The following ARHGAP23 variants were observed in gnomAD, a reference collection of about 807,000 sequenced individuals.
ARHGAP23 encodes rho GTPase-activating protein 23.
ARHGAP23 carries 34 observed loss-of-function variants against 136.3 expected under a neutral mutation model. The ratio of observed to expected loss-of-function variants is 0.25; its 90% CI spans 0.19 to 0.33. The LOEUF is 0.33. ARHGAP23 is among the 10% of genes least tolerant of loss of function. The pLI is 1.00. For synonymous variants in ARHGAP23, 832 were observed against 920.5 expected (o/e 0.90, Z 1.74); for missense variants, 1,808 against 2,139.0 (o/e 0.85, Z 3.05).
chr17:38,505,458 G>A lies in ARHGAP23; in HGVS notation c.3448-4486G>A, dbSNP rs540277101. ...AGGGAGAAGTCTAGCTCCTGACCAG[G>A]CTCTGATTTCCCCGGCCCTGCCCTA... On this transcript the variant is annotated intron_variant, in intron 23 of 23. Coordinates refer to ENST00000622683, the MANE Select transcript of ARHGAP23 (RefSeq NM_001199417.2). 1.4e-4 allele frequency among the ~76,000 whole-genome samples: 22 copies of A among 152,158 alleles called. 1 individual carries two copies. In the South Asian group the frequency reaches 4.6e-3, roughly 32 times the overall value.
intron 1 of ARHGAP23, among the ~76,000 whole-genome samples, chr17:38,437,203 C>A (rs2144510692): frequency 8.4e-6 from 1 of 118,382 alleles, no homozygotes; most frequent in East Asian, 2.7e-4. Context: ...TTGCTTGACG[C>A]CAGGATTTTT....
At chr17:38,425,882 TG>T (rs2038564731), upstream of ARHGAP23, among the ~76,000 whole-genome samples, 1 of 140,810 alleles carries the variant, frequency 7.1e-6, no homozygotes, top group Admixed American at 7.2e-5. Context: ...GGCGGCAGGG[TG>T]GGGAGAGAGC....
In ARHGAP23 at chr17:38,510,818, A is replaced by G; in HGVS notation, c.4322A>G (p.Asp1441Gly). The G allele has an allele frequency of 6.6e-7, 1 of 1,507,218 alleles. No homozygotes were observed. Among genetic ancestry groups the G allele is most frequent in the Non-Finnish European group, 8.8e-7 (1 of 1,131,942 alleles). 93.4% of individuals were successfully genotyped at this position (1,507,218 alleles called of 1,614,324 possible). ...PEPAGARAHS[D>G]NKDSGLSSLE... ...CCTGCGGGCGCGCGGGCGCACAGTG[A>G]CAACAAGGACTCCGGACTCAGCAGC... Residue 1441 changes from aspartate (D) to glycine (G), a missense_variant, in exon 24 of 24, where the codon GAC becomes GGC. Asp to Gly is a moderately conservative substitution (Grantham distance 94). Coordinates refer to ENST00000622683, the MANE Select transcript of ARHGAP23 (RefSeq NM_001199417.2). This position sits in a 1 kb window ranked among gnomAD's most constrained non-coding sequence, Gnocchi z 4.6.
rs944831172 is a variant in ARHGAP23, at chr17:38,428,758, G to T, written c.63+210G>T. On this transcript the variant is annotated intron_variant, in intron 1 of 23. Transcript: ENST00000622683. ...GCTGTCCGGGGTAGAGGGGTGGGAA[G>T]GACGGAAGCAGGCAAGGGGTCGGGA... Among the ~76,000 whole-genome samples the T allele has an allele frequency of 2.1e-4, 32 of 152,320 alleles. 1 individual carries two copies. Among genetic ancestry groups the T allele is most frequent in the Admixed American group, 1.3e-3 (20 of 15,312 alleles).
intron 11 of ARHGAP23, among the ~76,000 whole-genome samples, chr17:38,472,724 T>C (rs911735137): frequency 2.0e-5 from 3 of 152,112 alleles, no homozygotes; most frequent in African/African-American, 7.2e-5. Context: ...TCCTGGCGAT[T>C]AGGATGAACC....
At chr17:38,489,084 C>T (rs768124478) in intron 17 of ARHGAP23, among the ~76,000 whole-genome samples, 1 of 151,990 alleles carries the variant, frequency 6.6e-6, no homozygotes, top group African/African-American at 2.4e-5. Context: ...CCACATTGGC[C>T]AGGCTGGTCT....
chr17:38,469,861 G>A lies in ARHGAP23; in HGVS notation c.1931G>A (p.Arg644His), dbSNP rs866924997. 13 of 1,551,552 alleles carry A rather than the reference G, an allele frequency of 8.4e-6. No individual in the cohort carries two copies. Among genetic ancestry groups the A allele is most frequent in the East Asian group, 2.4e-5 (1 of 40,926 alleles). ...TCGCTTTCCAGGCGCCTGCCAAACCGCATACCCAGCCTGCGGATGCTCCGG... is the reference window on the plus strand; with the variant it reads ...TCGCTTTCCAGGCGCCTGCCAAACCACATACCCAGCCTGCGGATGCTCCGG... Reference protein sequence around the residue: ...EGRVLRRLPNRIPSLRMLRSF... With the variant: ...EGRVLRRLPNHIPSLRMLRSF... The change falls in exon 10 of 24, where the codon CGC becomes CAC. Residue 644 changes from arginine (R) to histidine (H), a missense_variant. By Grantham distance (29) the Arg-to-His change is conservative. This residue lies in a region of ARHGAP23 where 859 missense variants were observed against 936.4 expected (regional missense o/e 0.92). Coordinates refer to ENST00000622683, the MANE Select transcript of ARHGAP23 (RefSeq NM_001199417.2).
At chr17:38,453,715 C>A (rs2144587729) in intron 1 of ARHGAP23, 1 of 148,988 alleles carries the variant, frequency 6.7e-6, no homozygotes, top group African/African-American at 2.4e-5. Context: ...GCGCAGGAGG[C>A]GCGGAGCCAA....
intron 1 of ARHGAP23, among the ~76,000 whole-genome samples, chr17:38,429,247 G>A (rs1332763245): frequency 6.6e-6 from 1 of 152,244 alleles, no homozygotes; most frequent in Non-Finnish European, 1.5e-5. Context: ...GGGCTGCTCT[G>A]CCTGGGTTCT....
rs1310622399 is a variant in ARHGAP23 at position 38,466,528 on chromosome 17, T to A, written c.845T>A (p.Leu282Gln). ...EPGSRVPPSRLECQQALSHWL... is the reference protein window; with the variant it reads ...EPGSRVPPSRQECQQALSHWL... Reference sequence around the variant, plus strand: ...GGCAGCCGGGTGCCCCCCAGCAGACTGGAGTGCCAGCAGGCCTTGTCACAC... The same window carrying A: ...GGCAGCCGGGTGCCCCCCAGCAGACAGGAGTGCCAGCAGGCCTTGTCACAC... Residue 282 changes from leucine to glutamine, a missense_variant, in exon 7 of 24, where the codon CTG becomes CAG. By Grantham distance (113) the Leu-to-Gln change is moderately radical (BLOSUM62 -2). Around this residue, in one of 7 missense-constraint regions of ARHGAP23, gnomAD observed 859 missense variants for 936.4 expected, o/e 0.92. Coordinates refer to ENST00000622683, the MANE Select transcript of ARHGAP23 (RefSeq NM_001199417.2). 4 of 1,476,962 alleles carry A rather than the reference T, an allele frequency of 2.7e-6. No individual in the cohort carries two copies. Among genetic ancestry groups the A allele is most frequent in the Middle Eastern group, 1.8e-4 (1 of 5,622 alleles). The allele number at this position is 1,476,962 out of a possible 1,614,324, so 91.5% of individuals were successfully genotyped here.
At chr17:38,449,795 T>C (rs1167806636) in intron 1 of ARHGAP23, among the ~76,000 whole-genome samples, 2 of 152,102 alleles carry the variant, frequency 1.3e-5, no homozygotes, top group Non-Finnish European at 2.9e-5. Context: ...GCATTGTTTG[T>C]CACCTGGCAG....
chr17:38,437,027 T>G (rs1193850968), intron 1 of ARHGAP23, among the ~76,000 whole-genome samples: 1 of 152,154 alleles, frequency 6.6e-6, no homozygotes, highest in African/African-American at 2.4e-5. Flanking sequence ...TTGATCGATT[T>G]TCAAGTGCCG....
chr17:38,461,064 CCT>C, intron 3 of ARHGAP23, 132 bp downstream of exon 3: 10 of 1,459,770 alleles, frequency 6.9e-6, no homozygotes, highest in Non-Finnish European at 9.0e-6. Flanking sequence ...TGCCTTTGCT[CCT>C]GTCTGTGCCC....
rs142374860 is a variant in ARHGAP23 at position 38,491,417 on chromosome 17, G to A, written c.3161G>A (p.Arg1054Gln). Residue 1054 changes from arginine to glutamine, a missense_variant, in exon 20 of 24, where the codon CGG (arginine) becomes CAG (glutamine). Arg to Gln is a conservative substitution (Grantham distance 43). Around this residue, in one of 7 missense-constraint regions of ARHGAP23, gnomAD observed 22 missense variants for 67.5 expected, o/e 0.33. Coordinates refer to ENST00000622683, the MANE Select transcript of ARHGAP23 (RefSeq NM_001199417.2). The part of the protein sequence containing the change: ...DHSEKNKMEP[R>Q]NLALVFGPTL... ...TTCCCTGCTGCCCAGATGGAACCCC[G>A]GAACCTGGCCCTGGTCTTTGGGCCG... is the stretch of plus-strand genomic sequence containing the variant. 7.1e-6 allele frequency: 11 copies of A among 1,549,650 alleles called. No individual in the cohort carries two copies. The highest frequency in any genetic ancestry group is 4.9e-5 in the East Asian group (2 of 40,908).
chr17:38,482,098 G>A lies in ARHGAP23; in HGVS notation c.2706G>A (p.Ala902=), dbSNP rs866386289. 2.3e-5 allele frequency: 35 copies of A among 1,550,070 alleles called. No individual in the cohort carries two copies. The Admixed American group carries it at 3.7e-4, about 17-fold the overall frequency. ...IKKNKKAAPR[A]FGVRLEECQP... is the part of the protein sequence containing the mutation. ...AAAATAAGAAGGCCGCTCCGAGGGC[G>A]TTTGGGGTCAGGCTGGAGGAGTGCC... The change falls in exon 15 of 24, where the codon GCG becomes GCA. Residue 902 remains alanine (A), a synonymous_variant. Coordinates refer to ENST00000622683, the MANE Select transcript of ARHGAP23 (RefSeq NM_001199417.2).
At chr17:38,487,215 G>A (rs11652303) in intron 17 of ARHGAP23, among the ~76,000 whole-genome samples, 8,360 of 152,284 alleles carry the variant, frequency 0.055, 310 homozygotes, top group Non-Finnish European at 0.083. Context: ...ATTCATTCGT[G>A]TCAGTGCAGA....
At chr17:38,456,445 T>G (rs926004710) in intron 1 of ARHGAP23, among the ~76,000 whole-genome samples, 1 of 152,198 alleles carries the variant, frequency 6.6e-6, no homozygotes, top group East Asian at 1.9e-4. Flanking sequence ...CTGATGAGCT[T>G]CTTCCTCCAC....
At chr17:38,428,447 C>A, upstream of ARHGAP23, 2 of 1,362,836 alleles carry the variant, frequency 1.5e-6, no homozygotes, top group Non-Finnish European at 1.9e-6. Context: ...GCCGGCGCCC[C>A]CAGCCGTGCC....
At chr17:38,423,339 CGT>C in intron 1 of ARHGAP23, among the ~76,000 whole-genome samples, 8 of 151,844 alleles carry the variant, frequency 5.3e-5, no homozygotes, top group Admixed American at 3.3e-4. Context: ...ACTACAGGCA[CGT>C]GCCACCATGC....
Sources: allele counts gnomAD v4.1 joint callset (sites outside exome capture counted in the v4.1 genomes callset), GRCh38; gene constraint gnomAD v4.1.1; regional missense constraint gnomAD v4.1.1; non-coding constraint Gnocchi (gnomAD v3.1); transcripts MANE v1.5; gene names NCBI Gene and HGNC (gene_info 2026-07-23, HGNC 2026-07-21).